FRMPD4: variants seen among roughly 807,000 people sequenced by gnomAD.
FRMPD4 encodes the protein FERM and PDZ domain containing 4, also known as FERM and PDZ domain-containing protein 4.
FRMPD4 carries 22 observed loss-of-function variants against 94.1 expected under a neutral mutation model. The observed-to-expected ratio is 0.23, with a 90% CI of 0.17 to 0.33. FRMPD4 has a LOEUF of 0.33. Among genes scored for constraint, FRMPD4 ranks in the 10% least tolerant of loss-of-function variants. FRMPD4 has a pLI of 1.00. For missense variants in FRMPD4, 1,111 were observed against 1,339.9 expected (o/e 0.83, Z 2.67); for synonymous variants, 631 against 548.6 (o/e 1.15, Z -2.10).
chrX:12,480,162 T>C (rs2057663906), intron 1 of FRMPD4, among the ~76,000 whole-genome samples: 2 of 109,624 alleles, frequency 1.8e-5, no homozygotes, highest in East Asian at 2.9e-4. Context: ...TAAACAGAGA[T>C]TGGATCCAAG....
At chrX:11,972,245 C>T (rs1184589588) in intron 3 of FRMPD4, among the ~76,000 whole-genome samples, 2 of 111,688 alleles carry the variant, frequency 1.8e-5, no homozygotes, top group African/African-American at 6.5e-5. Context: ...GGACACTTAG[C>T]TCAGAAAGGA....
At chrX:12,092,605 G>A (rs1043991472) in intron 3 of FRMPD4, among the ~76,000 whole-genome samples, 2 of 111,673 alleles carry the variant, frequency 1.8e-5, no homozygotes, top group East Asian at 5.6e-4. Flanking sequence ...TGAGATTAGA[G>A]TAGTAGCCAA....
At chrX:11,974,382 G>C (rs2054356661) in intron 3 of FRMPD4, among the ~76,000 whole-genome samples, 1 of 111,903 alleles carries the variant, frequency 8.9e-6, no homozygotes, top group Non-Finnish European at 1.9e-5. Flanking sequence ...GCACATGTCT[G>C]TTTCCTTTCA....
intron 1 of FRMPD4, among the ~76,000 whole-genome samples, chrX:12,212,228 C>T (rs1379033322): frequency 9.0e-6 from 1 of 111,726 alleles, no homozygotes; most frequent in African/African-American, 3.2e-5. Context: ...AAATTTTAAC[C>T]CTCTGGCCAT....
intron 4 of FRMPD4, among the ~76,000 whole-genome samples, chrX:12,648,579 G>T (rs1351355855): frequency 8.9e-6 from 1 of 112,091 alleles, no homozygotes; most frequent in East Asian, 2.8e-4. Flanking sequence ...GCCTTTCAAT[G>T]CCTCAGTGTA....
At chrX:12,079,699 G>C (rs1400752362) in intron 3 of FRMPD4, among the ~76,000 whole-genome samples, 1 of 111,905 alleles carries the variant, frequency 8.9e-6, no homozygotes, top group Non-Finnish European at 1.9e-5. Flanking sequence ...AGCCAAGGTA[G>C]TATTAGGTCC....
chrX:12,657,857 G>A (rs935134894), intron 4 of FRMPD4, among the ~76,000 whole-genome samples: 2 of 112,354 alleles, frequency 1.8e-5, no homozygotes, highest in South Asian at 3.7e-4. Flanking sequence ...TCTAGCCTCC[G>A]GAAACAGAAG....
intron 1 of FRMPD4, among the ~76,000 whole-genome samples, chrX:12,461,101 A>G (rs1356936669): frequency 1.8e-5 from 2 of 111,907 alleles, no homozygotes; most frequent in South Asian, 3.7e-4. Flanking sequence ...AGCATGACCT[A>G]TATAGTTTGT....
chrX:12,484,227 G>A (rs976496325), intron 1 of FRMPD4, among the ~76,000 whole-genome samples: 1 of 112,179 alleles, frequency 8.9e-6, no homozygotes, highest in Non-Finnish European at 1.9e-5. Flanking sequence ...CTTACAAAAT[G>A]CAATTACTGC....
At chrX:12,163,317 G>A (rs1465258648) in intron 1 of FRMPD4, among the ~76,000 whole-genome samples, 1 of 109,825 alleles carries the variant, frequency 9.1e-6, no homozygotes, top group African/African-American at 3.3e-5. Flanking sequence ...TTCTTCTCAT[G>A]TTTCCCATTC....
intron 3 of FRMPD4, among the ~76,000 whole-genome samples, chrX:11,987,909 T>C (rs5933946): frequency 0.089 from 9,856 of 110,772 alleles, 369 homozygotes; most frequent in East Asian, 0.24. Flanking sequence ...TAATCAAAAC[T>C]ATAAGACACT....
chrX:12,223,563 T>A (rs917833338), intron 1 of FRMPD4, among the ~76,000 whole-genome samples: 1 of 111,726 alleles, frequency 9.0e-6, no homozygotes, highest in Non-Finnish European at 1.9e-5. Context: ...AATTTACCCA[T>A]GTAACAAACC....
At chrX:12,487,064 T>C (rs1327087323) in intron 1 of FRMPD4, among the ~76,000 whole-genome samples, 1 of 112,495 alleles carries the variant, frequency 8.9e-6, no homozygotes, top group African/African-American at 3.2e-5. Flanking sequence ...AATGGGAAAC[T>C]ATGAAAGTTA....
At chrX:12,719,222 G>A (rs751153185) in intron 16 of FRMPD4, among the ~76,000 whole-genome samples, 10 of 112,576 alleles carry the variant, frequency 8.9e-5, no homozygotes, top group Non-Finnish European at 1.9e-4. Context: ...CAGGGAGATT[G>A]GAGGGGTTTG....
intron 3 of FRMPD4, among the ~76,000 whole-genome samples, chrX:12,098,272 GAAAAA>G (rs5901461): frequency 1.9e-5 from 2 of 102,811 alleles, no homozygotes; most frequent in Non-Finnish European, 3.9e-5. Context: ...GAAAGAAAAA[GAAAAA>G]AAAAAAACAT....
At chrX:12,204,125 C>T (rs1222022792) in intron 1 of FRMPD4, among the ~76,000 whole-genome samples, 4 of 112,130 alleles carry the variant, frequency 3.6e-5, no homozygotes, top group Admixed American at 2.8e-4. Flanking sequence ...TCTCAGGAGA[C>T]ATCTTGTAAT....
At chrX:12,599,457 C>G (rs2059064718) in intron 2 of FRMPD4, among the ~76,000 whole-genome samples, 1 of 111,447 alleles carries the variant, frequency 9.0e-6, no homozygotes, top group Non-Finnish European at 1.9e-5. Flanking sequence ...CTATCAGAGC[C>G]CAAACAAGAG....
upstream of FRMPD4, among the ~76,000 whole-genome samples, chrX:12,136,846 A>G (rs995644127): frequency 9.2e-6 from 1 of 109,077 alleles, no homozygotes; most frequent in African/African-American, 3.3e-5. Context: ...GGGAGCTTTT[A>G]CATATTTTAG....
chrX:12,498,599 C>A, intron 1 of FRMPD4, 81 bp from the exon 2 acceptor site: 1 of 597,985 alleles, frequency 1.7e-6, no homozygotes, highest in South Asian at 2.2e-5. Context: ...AGGAGCAAGT[C>A]ACATTCTCCT....
Sources: allele counts gnomAD v4.1 joint callset (sites outside exome capture counted in the v4.1 genomes callset), GRCh38; gene constraint gnomAD v4.1.1; transcripts MANE v1.5; gene names NCBI Gene and HGNC (gene_info 2026-07-23, HGNC 2026-07-21).